UBA7: variants seen among roughly 807,000 people sequenced by gnomAD.
UBA7 encodes ubiquitin like modifier activating enzyme 7.
UBA7 carries 88 observed loss-of-function variants against 113.0 expected under a neutral mutation model. That is an observed-to-expected ratio of 0.78 (90% CI 0.66 to 0.93). The LOEUF (loss-of-function observed/expected upper bound fraction) is 0.93. UBA7 is among the 40% of genes least tolerant of loss of function. The pLI is 0.00. For synonymous variants in UBA7, 459 were observed against 513.0 expected (o/e 0.89, Z 1.42); for missense variants, 1,092 against 1,266.4 (o/e 0.86, Z 2.09).
rs1417035999 is a variant in UBA7 at position 49,807,811 on chromosome 3, G to C, written c.2640C>G (p.Ala880=). 6.2e-7 allele frequency: 1 copy of C among 1,614,152 alleles called. No homozygotes were observed. The highest frequency in any genetic ancestry group is 2.2e-5 in the East Asian group (1 of 44,886). The change falls in exon 21 of 24, where the codon GCC becomes GCG. Residue 880 remains alanine (A), a synonymous_variant. Coordinates refer to ENST00000333486, the MANE Select transcript of UBA7 (RefSeq NM_003335.3). The surrounding 1 kb of genome is among the most constrained non-coding windows in gnomAD (Gnocchi z 4.0). ...KVVSGPRPRS[A]FRHSYLHLAE... ...CCAGATGTAGGTAGCTGTGGCGAAA[G>C]GCACTACGAGGCCGTGGCCCACTCA...
rs556174368 is a variant in UBA7, at chr3:49,805,364, T to A, written c.2983A>T (p.Ser995Cys). 6.2e-7 allele frequency: 1 copy of A among 1,613,784 alleles called. No individual in the cohort carries two copies. The highest frequency in any genetic ancestry group is 1.3e-5 in the African/African-American group (1 of 74,916). ...GTGTCCTCGTCGTCACCCTCACAGC[T>A]CAGCTCTAGCACCAACACCCGCTGC... ...PGQRVLVLEL[S>C]CEGDDEDTAF... The change falls in exon 24 of 24, where the codon AGC becomes TGC. Residue 995 changes from serine to cysteine, a missense_variant. This residue lies in a region of UBA7 where 500 missense variants were observed against 529.3 expected (regional missense o/e 0.94). Coordinates refer to ENST00000333486, the MANE Select transcript of UBA7 (RefSeq NM_003335.3).
chr3:49,809,016 A>C lies in UBA7; in HGVS notation c.2307T>G (p.Phe769Leu). The C allele has an allele frequency of 6.2e-7, 1 of 1,613,890 alleles. No homozygotes were observed. ...CCGAAGCCAGCTCTAGATTACTAGC[A>C]AAGATGGGGGCCATCTGTTGGGGGT... Reference protein sequence around the residue: ...QPDPQQMAPIFASNLELASAS... With the variant: ...QPDPQQMAPILASNLELASAS... The change falls in exon 18 of 24, where the codon TTT becomes TTG. Residue 769 changes from phenylalanine to leucine, a missense_variant. Coordinates refer to ENST00000333486, the MANE Select transcript of UBA7 (RefSeq NM_003335.3).
chr3:49,805,964 G>A lies in UBA7; in HGVS notation c.2842C>T (p.His948Tyr). Residue 948 changes from histidine to tyrosine, a missense_variant, in exon 23 of 24, where the codon CAC (histidine) becomes TAC (tyrosine). By Grantham distance (83) the His-to-Tyr change is moderately conservative. This residue lies in a region of UBA7 where 500 missense variants were observed against 529.3 expected (regional missense o/e 0.94). Coordinates refer to ENST00000333486, the MANE Select transcript of UBA7 (RefSeq NM_003335.3). The stretch of plus-strand genomic sequence containing the variant: ...GCCGCATAGAGCAGGGCTGAGCCGT[G>A]CAGCAGGATCCTCACCCTCAACCCG... ...QHGLRVRILL[H>Y]GSALLYAAGW... 1 of 1,566,470 alleles carries A rather than the reference G, an allele frequency of 6.4e-7. No individual in the cohort carries two copies. The highest frequency in any genetic ancestry group is 1.2e-5 in the South Asian group (1 of 85,148).
rs772137176 is a variant in UBA7 at position 49,810,506 on chromosome 3, T to A, written c.1467+11A>T. The A allele has an allele frequency of 6.8e-6, 11 of 1,613,798 alleles. No individual in the cohort carries two copies. The highest frequency in any genetic ancestry group is 6.8e-6 in the Non-Finnish European group (8 of 1,179,920). The stretch of plus-strand genomic sequence containing the variant: ...TGGGATGCAGGAGTGTGGAGAGGGG[T>A]CAGCACTCACACCAACGTCCTGGGA... On this transcript the variant is annotated intron_variant, in intron 12 of 23. Coordinates refer to ENST00000333486, the MANE Select transcript of UBA7 (RefSeq NM_003335.3). This position sits in a 1 kb window ranked among gnomAD's most constrained non-coding sequence, Gnocchi z 5.6.
In UBA7 at chr3:49,810,796, C is replaced by T. The variant is rs764537308; in HGVS notation, c.1267G>A (p.Gly423Arg). The T allele has an allele frequency of 4.3e-6, 7 of 1,614,034 alleles. No individual in the cohort carries two copies. The Admixed American group carries it at 5.0e-5, about 12-fold the overall frequency. Residue 423 changes from glycine to arginine, a missense_variant, in exon 11 of 24, where the codon GGG (glycine) becomes AGG (arginine). Coordinates refer to ENST00000333486, the MANE Select transcript of UBA7 (RefSeq NM_003335.3). This position sits in a 1 kb window ranked among gnomAD's most constrained non-coding sequence, Gnocchi z 5.6. ...CTCAGTTTCTCCTGAAAACCAGCCC[C>T]AAACACTGCAATTTGCCCATCATAG... is the stretch of plus-strand genomic sequence containing the variant. The part of the protein sequence containing the change: ...SRYDGQIAVF[G>R]AGFQEKLRRQ...
chr3:49,811,381 T>C lies in UBA7; in HGVS notation c.1014A>G (p.Glu338=). Reference sequence around the variant, plus strand: ...GCACTAGGGCCTCATCCAGTGGCTCTTCCAGTGGCTCTTCCTCTGTCCGCT... The same window carrying C: ...GCACTAGGGCCTCATCCAGTGGCTCCTCCAGTGGCTCTTCCTCTGTCCGCT... ...PLKRTEEEPL[E]EPLDEALVRT... is the part of the protein sequence containing the mutation. Residue 338 remains glutamate (E), a synonymous_variant, in exon 9 of 24, where the codon GAA becomes GAG. Transcript: ENST00000333486. 1 of 1,613,680 alleles carries C rather than the reference T, an allele frequency of 6.2e-7. No individual in the cohort carries two copies. Among genetic ancestry groups the C allele is most frequent in the Admixed American group, 1.7e-5 (1 of 59,946 alleles).
rs2234386 is a variant in UBA7 at position 49,808,409 on chromosome 3, G to C, written c.2407C>G (p.Leu803Val). The C allele has an allele frequency of 1.9e-6, 3 of 1,614,092 alleles. No homozygotes were observed. The highest frequency in any genetic ancestry group is 2.7e-5 in the African/African-American group (2 of 74,924). Residue 803 changes from leucine to valine, a missense_variant, in exon 19 of 24, where the codon CTG (leucine) becomes GTG (valine). Leu to Val is a conservative substitution (Grantham distance 32). Coordinates refer to ENST00000333486, the MANE Select transcript of UBA7 (RefSeq NM_003335.3). Reference protein sequence around the residue: ...ALEVWSVGPPLKPLMFEKDDD... With the variant: ...ALEVWSVGPPVKPLMFEKDDD... Reference sequence around the variant, plus strand: ...ACCTTCTCAAACATCAGAGGCTTCAGGGGAGGGCCCACACTCCAGACTTCC... The same window carrying C: ...ACCTTCTCAAACATCAGAGGCTTCACGGGAGGGCCCACACTCCAGACTTCC...
Position 49,807,829 on chromosome 3 carries a change from C to G in UBA7, c.2622G>C (p.Gly874=). The change falls in exon 21 of 24, where the codon GGG becomes GGC. Residue 874 remains glycine (G), a synonymous_variant. Coordinates refer to ENST00000333486, the MANE Select transcript of UBA7 (RefSeq NM_003335.3). The surrounding 1 kb of genome is among the most constrained non-coding windows in gnomAD (Gnocchi z 4.0). Reference sequence around the variant, plus strand: ...GGCGAAAGGCACTACGAGGCCGTGGCCCACTCACCACCTTATACAGCTCCA... The same window carrying G: ...GGCGAAAGGCACTACGAGGCCGTGGGCCACTCACCACCTTATACAGCTCCA... ...LGLELYKVVS[G]PRPRSAFRHS... The G allele has an allele frequency of 6.2e-7, 1 of 1,614,140 alleles. No homozygotes were observed. The highest frequency in any genetic ancestry group is 1.1e-5 in the South Asian group (1 of 91,082).
At chr3:49,806,740 G>A (rs2081459184) in intron 21 of UBA7, among the ~76,000 whole-genome samples, 1 of 152,032 alleles carries the variant, frequency 6.6e-6, no homozygotes. Context: ...TGGCTGGCAG[G>A]TATCTAGAGA....
chr3:49,808,905 G>C (rs2081497002), intron 18 of UBA7, 71 bp downstream of exon 18: 4 of 1,537,038 alleles, frequency 2.6e-6, no homozygotes, highest in Non-Finnish European at 3.5e-6. Context: ...TCCTTCTGCA[G>C]CACAGGCTGA....
In UBA7 at chr3:49,810,701, G is replaced by C; in HGVS notation, c.1312-29C>G. On this transcript the variant is annotated intron_variant, in intron 11 of 23. Coordinates refer to ENST00000333486, the MANE Select transcript of UBA7 (RefSeq NM_003335.3). The surrounding 1 kb of genome is among the most constrained non-coding windows in gnomAD (Gnocchi z 5.6). ...TTGGCAGGAACAGCCTTAGCCAGAG[G>C]GGCTGGGCTGGCTCTCCCAAAGGCA... 1 of 1,614,046 alleles carries C rather than the reference G, an allele frequency of 6.2e-7. No homozygotes were observed. The highest frequency in any genetic ancestry group is 2.2e-5 in the East Asian group (1 of 44,882).
Position 49,809,417 on chromosome 3 carries a change from G to T in UBA7, c.2136C>A (p.Pro712=). ...GGTTGGTGTCAAACTCCAAGGGCTG[G>T]GGACACTGTTTGGGACCTGACCAGA... ...TPFWSGPKQC[P]QPLEFDTNQD... The change falls in exon 17 of 24, where the codon CCC becomes CCA. Residue 712 remains proline (P), a synonymous_variant. Transcript: ENST00000333486. The T allele has an allele frequency of 6.2e-7, 1 of 1,614,160 alleles. No homozygotes were observed. Among genetic ancestry groups the T allele is most frequent in the Middle Eastern group, 1.6e-4 (1 of 6,062 alleles).
In UBA7 at chr3:49,807,889, G is replaced by C. The variant is rs767173352; in HGVS notation, c.2562C>G (p.Ala854=). Residue 854 remains alanine (A), a synonymous_variant, in exon 21 of 24, where the codon GCC becomes GCG. Coordinates refer to ENST00000333486, the MANE Select transcript of UBA7 (RefSeq NM_003335.3). This position sits in a 1 kb window ranked among gnomAD's most constrained non-coding sequence, Gnocchi z 4.0. ...GGCCTGCCACAGCTGCTGTAGTGGTGGCAATGGCTGGGATAATCTGGCCCA... is the reference window on the plus strand; with the variant it reads ...GGCCTGCCACAGCTGCTGTAGTGGTCGCAATGGCTGGGATAATCTGGCCCA... ...RIVGQIIPAI[A]TTTAAVAGLL... 5 of 1,613,084 alleles carry C rather than the reference G, an allele frequency of 3.1e-6. No homozygotes were observed. Among genetic ancestry groups the C allele is most frequent in the Non-Finnish European group, 4.2e-6 (5 of 1,179,244 alleles).
chr3:49,813,199 A>C, intron 3 of UBA7, 31 bp from the exon 4 acceptor site: 1 of 1,613,696 alleles, frequency 6.2e-7, no homozygotes. Flanking sequence ...GCAGGGCCAA[A>C]ACCATTGCCC....
At position 49,807,724 on chromosome 3, in the gene UBA7, T is replaced by G. The variant is rs1232824383; in HGVS notation, c.2715+12A>C. On this transcript the variant is annotated intron_variant, in intron 21 of 23. Coordinates refer to ENST00000333486, the MANE Select transcript of UBA7 (RefSeq NM_003335.3). The surrounding 1 kb of genome is among the most constrained non-coding windows in gnomAD (Gnocchi z 4.0). ...GCCTAGTAGGGCTAAGGGTGGGGTA[T>G]CATGGGCTCACCGTCTGGATGGCTG... 6.3e-7 allele frequency: 1 copy of G among 1,596,792 alleles called. No individual in the cohort carries two copies. Among genetic ancestry groups the G allele is most frequent in the South Asian group, 1.1e-5 (1 of 87,508 alleles).
chr3:49,808,886 GC>G, intron 18 of UBA7, 89 bp downstream of exon 18: 1 of 1,482,082 alleles, frequency 6.7e-7, no homozygotes, highest in Admixed American at 2.3e-5. Context: ...GATCCCCTAG[GC>G]CCTATCTTCC....
chr3:49,812,951 G>A (rs1351700893), intron 4 of UBA7, 111 bp downstream of exon 4: 8 of 1,323,240 alleles, frequency 6.0e-6, no homozygotes, highest in Non-Finnish European at 8.4e-6. Context: ...AGGCATGCTG[G>A]GATAGACCTG....
In UBA7 at chr3:49,807,777, A is replaced by C; in HGVS notation, c.2674T>G (p.Tyr892Asp). ...RHSYLHLAEN[Y>D]LIRYMPFAPA... Reference sequence around the variant, plus strand: ...GCAAAAGGCATATAGCGGATGAGGTAGTTTTCAGCCAGATGTAGGTAGCTG... The same window carrying C: ...GCAAAAGGCATATAGCGGATGAGGTCGTTTTCAGCCAGATGTAGGTAGCTG... The change falls in exon 21 of 24, where the codon TAC becomes GAC. Residue 892 changes from tyrosine (Y) to aspartate (D), a missense_variant. By Grantham distance (160) the Tyr-to-Asp change is radical (BLOSUM62 -3). Around this residue, in one of 3 missense-constraint regions of UBA7, gnomAD observed 500 missense variants for 529.3 expected, o/e 0.94. Transcript: ENST00000333486. This position sits in a 1 kb window ranked among gnomAD's most constrained non-coding sequence, Gnocchi z 4.0. 1 of 1,613,646 alleles carries C rather than the reference A, an allele frequency of 6.2e-7. No individual in the cohort carries two copies. Among genetic ancestry groups the C allele is most frequent in the Non-Finnish European group, 8.5e-7 (1 of 1,179,852 alleles).
In UBA7 at chr3:49,809,425, G is replaced by A; in HGVS notation, c.2128C>T (p.Gln710Ter). The A allele has an allele frequency of 6.2e-7, 1 of 1,612,250 alleles. No homozygotes were observed. The highest frequency in any genetic ancestry group is 8.5e-7 in the Non-Finnish European group (1 of 1,178,406). Residue 710 changes from glutamine to a stop codon, truncating the protein, a stop_gained, in exon 17 of 24, where the codon CAG (glutamine) becomes TAG (stop). Coordinates refer to ENST00000333486, the MANE Select transcript of UBA7 (RefSeq NM_003335.3). LOFTEE classifies it high-confidence loss of function. ...DGTPFWSGPK[Q>*]CPQPLEFDTN... ...TCAAACTCCAAGGGCTGGGGACACT[G>A]TTTGGGACCTGACCAGAAGGGAGTT...
Sources: allele counts gnomAD v4.1 joint callset (sites outside exome capture counted in the v4.1 genomes callset), GRCh38; gene constraint gnomAD v4.1.1; regional missense constraint gnomAD v4.1.1; non-coding constraint Gnocchi (gnomAD v3.1); transcripts MANE v1.5; gene names NCBI Gene and HGNC (gene_info 2026-07-23, HGNC 2026-07-21).